The following SACM1L variants were observed in gnomAD, a reference collection of about 807,000 sequenced individuals.
The protein encoded by SACM1L is phosphatidylinositol-3-phosphatase SAC1.
Under a neutral mutation model 89.5 loss-of-function variants are expected in SACM1L, and 32 were observed. The ratio of observed to expected loss-of-function variants is 0.36; its 90% CI spans 0.27 to 0.48. SACM1L has a LOEUF of 0.48. Ranked by LOEUF, SACM1L falls within the 20% of genes least tolerant of loss-of-function variation. The pLI is 0.99. For missense variants in SACM1L, 543 were observed against 708.5 expected (o/e 0.77, Z 2.65); for synonymous variants, 213 against 232.8 (o/e 0.92, Z 0.77).
At chr3:45,729,760 T>G (rs904034440) in intron 11 of SACM1L, among the ~76,000 whole-genome samples, 1 of 152,178 alleles carries the variant, frequency 6.6e-6, no homozygotes, top group Non-Finnish European at 1.5e-5. Flanking sequence ...GTGATTATAA[T>G]GTTTTTGGTG....
intron 1 of SACM1L, among the ~76,000 whole-genome samples, chr3:45,698,335 A>G (rs1414681899): frequency 6.6e-6 from 1 of 152,170 alleles, no homozygotes; most frequent in Non-Finnish European, 1.5e-5. Flanking sequence ...AGAAATGTTG[A>G]TTCCCTGGCA....
chr3:45,700,566 TTAA>T (rs373630579), intron 1 of SACM1L, among the ~76,000 whole-genome samples: 12 of 152,312 alleles, frequency 7.9e-5, no homozygotes, highest in African/African-American at 2.9e-4. Flanking sequence ...TAGTAAAATT[TTAA>T]TAATGCCTGG....
chr3:45,725,469 A>G (rs1698896754), intron 11 of SACM1L, among the ~76,000 whole-genome samples: 1 of 152,104 alleles, frequency 6.6e-6, no homozygotes, highest in Non-Finnish European at 1.5e-5. Context: ...TCGTTAGTGT[A>G]AATGAAATTG....
chr3:45,713,373 C>A, intron 6 of SACM1L, 177 bp downstream of exon 6: 1 of 481,516 alleles, frequency 2.1e-6, no homozygotes, highest in African/African-American at 2.0e-5. Flanking sequence ...GTTGAAGAAG[C>A]CTAACTATTT....
rs560278583 is a variant in SACM1L, at chr3:45,712,314, G to C, written c.484-823G>C. On this transcript the variant is annotated intron_variant, in intron 5 of 19. Transcript: ENST00000389061. The stretch of plus-strand genomic sequence containing the variant: ...TCCTGGAGTGCAGTGGCACGATCTT[G>C]GCTCATTGCAGCCTCCACCTCCCAG... 2.6e-5 allele frequency among the ~76,000 whole-genome samples: 4 copies of C among 152,214 alleles called. No homozygotes were observed. In the South Asian group the frequency reaches 8.3e-4, roughly 32 times the overall value.
At chr3:45,737,468 G>A (rs1337271568) in intron 14 of SACM1L, 115 bp from the exon 15 acceptor site, 1 of 1,018,842 alleles carries the variant, frequency 9.8e-7, no homozygotes, top group African/African-American at 1.6e-5. Flanking sequence ...GACATTTCTG[G>A]CCTGCATCCA....
At chr3:45,697,754 T>A (rs1367938512) in intron 1 of SACM1L, among the ~76,000 whole-genome samples, 1 of 152,218 alleles carries the variant, frequency 6.6e-6, no homozygotes, top group East Asian at 1.9e-4. Flanking sequence ...GGGATCCCCT[T>A]GTCTTGACAG....
chr3:45,703,451 G>C lies in SACM1L; in HGVS notation c.46G>C (p.Glu16Gln), dbSNP rs756922702. 3.7e-6 allele frequency: 6 copies of C among 1,612,164 alleles called. No homozygotes were observed. The highest frequency in any genetic ancestry group is 2.7e-5 in the African/African-American group (2 of 74,838). The change falls in exon 2 of 20, where the codon GAA becomes CAA. Residue 16 changes from glutamate (E) to glutamine (Q), a missense_variant. Transcript: ENST00000389061. ...ATTTCTTCTTAGGCATATCACACCT[G>C]AAAAATTTTATGTGGAAGCTTGTGA... ...YEQLKLHITP[E>Q]KFYVEACDDG...
intron 4 of SACM1L, among the ~76,000 whole-genome samples, chr3:45,708,089 G>A (rs1698440898): frequency 1.3e-5 from 2 of 151,714 alleles, no homozygotes; most frequent in Non-Finnish European, 2.9e-5. Flanking sequence ...AGTTTTTAAT[G>A]TTTTGACAAA....
At chr3:45,713,049 A>G in intron 5 of SACM1L, 88 bp from the exon 6 acceptor site, 2 of 1,074,146 alleles carry the variant, frequency 1.9e-6, no homozygotes, top group South Asian at 3.0e-5. Flanking sequence ...TCTAGCCATC[A>G]GAAAGAGACA....
rs1355700512 is a variant in SACM1L at position 45,738,562 on chromosome 3, T to A, written c.1383-16T>A. ...GTGTACAAACCTGTAACTTAAAATT[T>A]AACCTCTTTAACCAGAACTGGAAAG... On this transcript the variant is annotated splice_polypyrimidine_tract_variant and intron_variant, in intron 16 of 19. Coordinates refer to ENST00000389061, the MANE Select transcript of SACM1L (RefSeq NM_014016.5). 2.6e-6 allele frequency: 4 copies of A among 1,528,442 alleles called. No individual in the cohort carries two copies. The South Asian group carries it at 4.5e-5, about 17-fold the overall frequency. 94.7% of individuals were successfully genotyped at this position (1,528,442 alleles called of 1,614,324 possible). A position where few individuals can be genotyped will look rare whatever the true frequency, so the allele number is the denominator to read the frequency against.
intron 5 of SACM1L, among the ~76,000 whole-genome samples, chr3:45,710,462 G>A (rs574160040): frequency 1.3e-3 from 194 of 149,182 alleles, no homozygotes; most frequent in Admixed American, 2.1e-3. Context: ...CAAAGTGCTG[G>A]GATTACAGGC....
At chr3:45,717,771 C>T (rs1352899397) in intron 7 of SACM1L, among the ~76,000 whole-genome samples, 3 of 152,176 alleles carry the variant, frequency 2.0e-5, no homozygotes, top group African/African-American at 7.2e-5. Context: ...AATAAATTAG[C>T]CAGACATGGT....
chr3:45,714,160 C>T, intron 7 of SACM1L, 81 bp downstream of exon 7: 1 of 752,456 alleles, frequency 1.3e-6, no homozygotes, highest in Non-Finnish European at 2.1e-6. Context: ...GAGATAGTCT[C>T]AAATACTCCA....
chr3:45,697,907 A>T (rs1173997682), intron 1 of SACM1L, among the ~76,000 whole-genome samples: 2 of 152,250 alleles, frequency 1.3e-5, no homozygotes, highest in Admixed American at 1.3e-4. Context: ...AACAGTATAG[A>T]TAATGACCAA....
At chr3:45,741,402 C>G (rs1304864194) in intron 19 of SACM1L, among the ~76,000 whole-genome samples, 1 of 152,114 alleles carries the variant, frequency 6.6e-6, no homozygotes, top group Non-Finnish European at 1.5e-5. Flanking sequence ...GTGTGTATTT[C>G]TTTTTGGATG....
At chr3:45,728,910 G>A (rs934419396) in intron 11 of SACM1L, among the ~76,000 whole-genome samples, 7 of 152,054 alleles carry the variant, frequency 4.6e-5, no homozygotes, top group Non-Finnish European at 7.4e-5. Flanking sequence ...CTGGCCTCAA[G>A]CCATCCTCTT....
At chr3:45,721,297 A>C (rs565582437) in intron 8 of SACM1L, among the ~76,000 whole-genome samples, 1 of 152,228 alleles carries the variant, frequency 6.6e-6, no homozygotes, top group Non-Finnish European at 1.5e-5. Flanking sequence ...CGAGGCAGGC[A>C]GATCACCTGA....
intron 13 of SACM1L, among the ~76,000 whole-genome samples, chr3:45,732,654 T>C (rs1699101599): frequency 6.6e-6 from 1 of 152,242 alleles, no homozygotes; most frequent in African/African-American, 2.4e-5. Context: ...ATATATATTT[T>C]ACATCTGTTA....
Sources: allele counts gnomAD v4.1 joint callset (sites outside exome capture counted in the v4.1 genomes callset), GRCh38; gene constraint gnomAD v4.1.1; transcripts MANE v1.5; gene names NCBI Gene and HGNC (gene_info 2026-07-23, HGNC 2026-07-21).